The following MAGI2 variants were observed in gnomAD, a reference collection of about 807,000 sequenced individuals.
MAGI2 encodes the protein membrane-associated guanylate kinase, WW and PDZ domain-containing protein 2.
In MAGI2, 35 loss-of-function variants were observed where a neutral mutation model predicts 133.3. The ratio of observed to expected loss-of-function variants is 0.26; its 90% CI spans 0.20 to 0.35. The LOEUF (loss-of-function observed/expected upper bound fraction) is 0.35, where lower values mean the gene tolerates loss of function less well. Among genes scored for constraint, MAGI2 ranks in the 10% least tolerant of loss-of-function variants. The probability of loss-of-function intolerance (pLI) is 1.00; values close to 1 mark genes in which losing one functional copy is unlikely to be tolerated. For missense variants in MAGI2, 1,636 were observed against 1,863.4 expected (o/e 0.88, Z 2.25); for synonymous variants, 729 against 710.6 (o/e 1.03, Z -0.41).
intron 1 of MAGI2, among the ~76,000 whole-genome samples, chr7:79,422,793 C>A (rs1314978043): frequency 6.6e-6 from 1 of 151,890 alleles, no homozygotes; most frequent in Non-Finnish European, 1.5e-5. Context: ...CAGTCAGAAA[C>A]CAAACTTGGA....
intron 1 of MAGI2, among the ~76,000 whole-genome samples, chr7:79,300,111 C>T (rs577608108): frequency 1.6e-4 from 25 of 152,204 alleles, no homozygotes; most frequent in African/African-American, 5.8e-4. Context: ...TACATAAAAT[C>T]AGTACTGAGA....
intron 3 of MAGI2, among the ~76,000 whole-genome samples, chr7:78,533,850 G>T (rs1354035053): frequency 6.6e-6 from 1 of 152,094 alleles, no homozygotes; most frequent in Non-Finnish European, 1.5e-5. Context: ...GTGAGTGAAG[G>T]TGAGAAGGAG....
chr7:78,275,913 G>A (rs1795016972), intron 9 of MAGI2, among the ~76,000 whole-genome samples: 1 of 151,962 alleles, frequency 6.6e-6, no homozygotes, highest in South Asian at 2.1e-4. Flanking sequence ...TATCTTTTTT[G>A]TACACTGTAT....
At chr7:78,530,654 C>T (rs1299609344) in intron 3 of MAGI2, among the ~76,000 whole-genome samples, 1 of 152,116 alleles carries the variant, frequency 6.6e-6, no homozygotes, top group Non-Finnish European at 1.5e-5. Flanking sequence ...GATCCCCCAT[C>T]GTGTTCAGTA....
chr7:78,983,420 C>A lies in MAGI2; in HGVS notation c.418+23670G>T, dbSNP rs117919627. ...TTTACTTCCTCCATGTAAATCCTTTCGGATAAAGGAGATTTTCTTGGATTA... is the reference window on the plus strand; with the variant it reads ...TTTACTTCCTCCATGTAAATCCTTTAGGATAAAGGAGATTTTCTTGGATTA... On this transcript the variant is annotated intron_variant, in intron 2 of 21. Transcript: ENST00000354212. Among the ~76,000 whole-genome samples the A allele has an allele frequency of 2.6e-5, 4 of 151,838 alleles. No individual in the cohort carries two copies. The South Asian group carries it at 8.3e-4, about 32-fold the overall frequency.
intron 2 of MAGI2, among the ~76,000 whole-genome samples, chr7:78,959,076 T>C (rs1802639194): frequency 6.6e-6 from 1 of 152,136 alleles, no homozygotes; most frequent in Non-Finnish European, 1.5e-5. Flanking sequence ...TTTCAATATG[T>C]CCATGCACAA....
chr7:78,221,699 TAA>T (rs1788844143), intron 10 of MAGI2, among the ~76,000 whole-genome samples: 3 of 151,910 alleles, frequency 2.0e-5, no homozygotes, highest in Non-Finnish European at 4.4e-5. Flanking sequence ...AAACTTAATT[TAA>T]AAATACCAAG....
chr7:78,109,617 G>A (rs2150461573), intron 20 of MAGI2, among the ~76,000 whole-genome samples: 1 of 152,188 alleles, frequency 6.6e-6, no homozygotes, highest in South Asian at 2.1e-4. Flanking sequence ...GGGAGACATA[G>A]CAAGACTCCG....
intron 1 of MAGI2, 100 bp downstream of exon 1, chr7:79,452,920 G>A: frequency 2.3e-6 from 3 of 1,307,964 alleles, no homozygotes; most frequent in East Asian, 2.5e-5. Flanking sequence ...CCATCATCGC[G>A]CAACACACCC....
At chr7:78,186,096 T>C (rs759970450) in intron 12 of MAGI2, among the ~76,000 whole-genome samples, 2 of 152,178 alleles carry the variant, frequency 1.3e-5, no homozygotes, top group Non-Finnish European at 2.9e-5. Flanking sequence ...ATCCAATCAA[T>C]GATTGTATTG....
chr7:78,498,378 C>T (rs368425341), intron 5 of MAGI2, among the ~76,000 whole-genome samples: 4 of 152,146 alleles, frequency 2.6e-5, no homozygotes, highest in Non-Finnish European at 5.9e-5. Context: ...TCTGCTTCTA[C>T]GGGCCTTTCA....
chr7:78,856,104 A>AT (rs898660643), intron 2 of MAGI2, among the ~76,000 whole-genome samples: 91 of 151,740 alleles, frequency 6.0e-4, no homozygotes, highest in African/African-American at 2.1e-3. Context: ...GGGTTGTTTG[A>AT]TTTTTTCTTG....
chr7:78,743,611 G>A (rs1295415704), intron 2 of MAGI2, among the ~76,000 whole-genome samples: 2 of 151,912 alleles, frequency 1.3e-5, no homozygotes, highest in Non-Finnish European at 1.5e-5. Context: ...TTTTCTTTGT[G>A]TCTTTAGACT....
intron 1 of MAGI2, among the ~76,000 whole-genome samples, chr7:79,280,926 GAAAAAAAAAAAAAAAAA>G (rs71095390): frequency 4.5e-4 from 16 of 35,788 alleles, no homozygotes; most frequent in East Asian, 3.8e-3. Context: ...CTCTGTCTCT[GAAAAAAAAAAAAAAAAA>G]AAAAAAAAAA....
intron 3 of MAGI2, among the ~76,000 whole-genome samples, chr7:78,595,624 T>C (rs1804512303): frequency 1.3e-5 from 2 of 152,236 alleles, no homozygotes; most frequent in South Asian, 4.1e-4. Context: ...CAGAAATATT[T>C]TGGCATGACA....
chr7:78,704,320 C>T (rs142120214), intron 2 of MAGI2, among the ~76,000 whole-genome samples: 4,483 of 152,086 alleles, frequency 0.029, 89 homozygotes, highest in Non-Finnish European at 0.046. Flanking sequence ...TGAAAAAATG[C>T]GCAACATCAC....
intron 2 of MAGI2, among the ~76,000 whole-genome samples, chr7:78,860,070 G>A (rs1794022782): frequency 6.6e-6 from 1 of 152,138 alleles, no homozygotes; most frequent in Admixed American, 6.5e-5. Flanking sequence ...TAGTTCTCGT[G>A]CCATGGTTTT....
In MAGI2 at chr7:79,132,212, C is replaced by T. The variant is rs570675514; in HGVS notation, c.302-125006G>A. ...TATCATACATGGGTGAATTATATAGCGATGAATTCTGAGATTTTAGTGTAC... is the reference window on the plus strand; with the variant it reads ...TATCATACATGGGTGAATTATATAGTGATGAATTCTGAGATTTTAGTGTAC... On this transcript the variant is annotated intron_variant, in intron 1 of 21. Transcript: ENST00000354212. Among the ~76,000 whole-genome samples, 14 of 151,984 alleles carry T rather than the reference C, an allele frequency of 9.2e-5. No individual in the cohort carries two copies. In the South Asian group the frequency reaches 2.5e-3, roughly 27 times the overall value.
intron 2 of MAGI2, among the ~76,000 whole-genome samples, chr7:78,886,762 G>A (rs1796302852): frequency 6.6e-6 from 1 of 152,070 alleles, no homozygotes; most frequent in East Asian, 1.9e-4. Context: ...AAACGATAAG[G>A]ATTAACTCAA....
Sources: gnomAD v4.1 joint callset for allele counts (sites outside exome capture counted in the v4.1 genomes callset) on GRCh38, gnomAD v4.1.1 for gene constraint, MANE v1.5 for transcripts, NCBI Gene and HGNC (gene_info 2026-07-23, HGNC 2026-07-21) for gene names.